The following FBN2 variants were observed in gnomAD, a reference collection of about 807,000 sequenced individuals.
The protein encoded by FBN2 is fibrillin 2.
A neutral mutation model predicts 355.6 loss-of-function variants in FBN2; 105 were observed. The observed-to-expected ratio is 0.30, with a 90% CI of 0.25 to 0.35. The LOEUF is 0.35. Ranked by LOEUF, FBN2 falls within the 10% of genes least tolerant of loss-of-function variation. FBN2 has a pLI of 1.00. For synonymous variants in FBN2, 1,350 were observed against 1,301.2 expected (o/e 1.04, Z -0.81); for missense variants, 3,280 against 3,758.7 (o/e 0.87, Z 3.33).
In FBN2 at chr5:128,537,776, C is replaced by T. The variant is rs1044506328; in HGVS notation, c.-173G>A. The T allele has an allele frequency of 3.5e-5, 23 of 666,018 alleles. No homozygotes were observed. The East Asian group carries it at 4.1e-4, about 12-fold the overall frequency. 41.3% of individuals were successfully genotyped at this position (666,018 alleles called of 1,614,324 possible). On this transcript the variant is annotated 5_prime_UTR_variant, in exon 1 of 65. Transcript: ENST00000262464. ...GAGACCTCGACAGAGCGCCGGCCCCCTGACTGCCCGCGAAGCGAGACGCGG... is the reference window on the plus strand; with the variant it reads ...GAGACCTCGACAGAGCGCCGGCCCCTTGACTGCCCGCGAAGCGAGACGCGG...
chr5:128,381,863 A>C (rs1752242813), intron 11 of FBN2, among the ~76,000 whole-genome samples: 1 of 152,068 alleles, frequency 6.6e-6, no homozygotes, highest in Non-Finnish European at 1.5e-5. Flanking sequence ...GTACAGACAA[A>C]ATTTGAGCTA....
intron 11 of FBN2, among the ~76,000 whole-genome samples, chr5:128,386,960 T>C (rs1487158162): frequency 6.6e-6 from 1 of 152,204 alleles, no homozygotes; most frequent in Non-Finnish European, 1.5e-5. Flanking sequence ...CTTCATAGAA[T>C]GAGTTAGGAA....
intron 26 of FBN2, 58 bp downstream of exon 26, chr5:128,338,875 C>G: frequency 6.3e-7 from 1 of 1,590,610 alleles, no homozygotes; most frequent in Non-Finnish European, 8.6e-7. Flanking sequence ...GTCATGCGCA[C>G]GAATGAGTCT....
At chr5:128,536,516 T>C (rs747172490) in intron 1 of FBN2, 32 bp from the exon 2 acceptor site, 8 of 1,529,750 alleles carry the variant, frequency 5.2e-6, no homozygotes, top group East Asian at 2.3e-5. Context: ...ACGTAACAGA[T>C]AGGTAGAGGG....
At chr5:128,479,197 A>G (rs1162861818) in intron 5 of FBN2, among the ~76,000 whole-genome samples, 1 of 152,180 alleles carries the variant, frequency 6.6e-6, no homozygotes, top group Non-Finnish European at 1.5e-5. Context: ...TATTGAAACT[A>G]TTTGTACGCA....
At chr5:128,439,903 T>G (rs1371480007) in intron 7 of FBN2, among the ~76,000 whole-genome samples, 1 of 152,198 alleles carries the variant, frequency 6.6e-6, no homozygotes, top group Non-Finnish European at 1.5e-5. Context: ...AGATAATATT[T>G]GTATCTTTGA....
Position 128,537,553 on chromosome 5 carries a change from G to A in FBN2, c.51C>T (p.Gly17=), listed in dbSNP as rs1396992989. 1 of 1,600,646 alleles carries A rather than the reference G, an allele frequency of 6.2e-7. No individual in the cohort carries two copies. Among genetic ancestry groups the A allele is most frequent in the Admixed American group, 1.7e-5 (1 of 59,090 alleles). ...TGCCCTGCGCCCAGAGCACCACACA[G>A]CCCAGCCACAGGAAGTAGAGCTGGA... is the stretch of plus-strand genomic sequence containing the variant. ...LCLQLYFLWL[G]CVVLWAQGTA... The change falls in exon 1 of 65, where the codon GGC becomes GGT. Residue 17 remains glycine (G), a synonymous_variant. Coordinates refer to ENST00000262464, the MANE Select transcript of FBN2 (RefSeq NM_001999.4).
rs182835235 is a variant in FBN2 at position 128,444,484 on chromosome 5, C to A, written c.952+1997G>T. ...ATACACAAGTAAGGCCTTCATAAAA[C>A]CTTTATATTTCAAATTCTAATCACT... On this transcript the variant is annotated intron_variant, in intron 7 of 64. Transcript: ENST00000262464. Among the ~76,000 whole-genome samples the A allele has an allele frequency of 5.7e-3, 872 of 152,148 alleles. 3 individuals are homozygous for A. The highest frequency in any genetic ancestry group is 8.8e-3 in the Non-Finnish European group (601 of 67,996).
In FBN2 at chr5:128,263,827, C is replaced by A. The variant is rs1765046401; in HGVS notation, c.7961-171G>T. Among the ~76,000 whole-genome samples, 2 of 152,140 alleles carry A rather than the reference C, an allele frequency of 1.3e-5. 1 individual carries two copies. The highest frequency in any genetic ancestry group is 4.8e-5 in the African/African-American group (2 of 41,424). ...AAGCACGTGAATGAAAAAAATTCCC[C>A]TAAATTGTGGCTTTAAAAAACCCTT... On this transcript the variant is annotated intron_variant, in intron 62 of 64. Transcript: ENST00000262464.
intron 20 of FBN2, among the ~76,000 whole-genome samples, chr5:128,353,439 G>C (rs987272860): frequency 6.6e-6 from 1 of 152,138 alleles, no homozygotes; most frequent in African/African-American, 2.4e-5. Flanking sequence ...ACTCTGGCTG[G>C]AATGTTCAGT....
At chr5:128,295,126 G>C (rs1191095491) in intron 48 of FBN2, among the ~76,000 whole-genome samples, 1 of 147,860 alleles carries the variant, frequency 6.8e-6, no homozygotes, top group African/African-American at 2.5e-5. Context: ...TCTCAGGTTT[G>C]TCAAAGATCA....
rs770483769 is a variant in FBN2, at chr5:128,530,669, T to C, written c.362A>G (p.Asp121Gly). 8.7e-6 allele frequency: 14 copies of C among 1,612,068 alleles called. No individual in the cohort carries two copies. In the Middle Eastern group the frequency reaches 2.3e-3, roughly 266 times the overall value. ...IVPICRNSCG[D>G]GFCSRPNMCT... ...CATGTTAGGACGGGAACAAAATCCATCTCCACAACTATTTCTACAAATCGC... is the reference window on the plus strand; with the variant it reads ...CATGTTAGGACGGGAACAAAATCCACCTCCACAACTATTTCTACAAATCGC... Residue 121 changes from aspartate to glycine, a missense_variant, in exon 3 of 65, where the codon GAT (aspartate) becomes GGT (glycine). Transcript: ENST00000262464.
intron 62 of FBN2, among the ~76,000 whole-genome samples, chr5:128,269,834 C>T (rs1765221414): frequency 6.6e-6 from 1 of 151,770 alleles, no homozygotes; most frequent in African/African-American, 2.4e-5. Flanking sequence ...ATGCTATTCC[C>T]ATCAAACTAC....
At chr5:128,450,586 A>T (rs977693455) in intron 6 of FBN2, among the ~76,000 whole-genome samples, 5 of 152,134 alleles carry the variant, frequency 3.3e-5, no homozygotes, top group Admixed American at 2.0e-4. Flanking sequence ...TAGTACAAAA[A>T]GAGAAGCTTC....
intron 15 of FBN2, among the ~76,000 whole-genome samples, chr5:128,370,575 A>G (rs528627077): frequency 5.1e-4 from 78 of 152,316 alleles, no homozygotes; most frequent in Non-Finnish European, 1.0e-3. Flanking sequence ...TGAGTTACAC[A>G]AACACAGATT....
chr5:128,391,965 T>C, intron 11 of FBN2, 53 bp downstream of exon 11: 1 of 1,510,288 alleles, frequency 6.6e-7, no homozygotes. Context: ...GATCCTGTAA[T>C]CTAATAGCTA....
At chr5:128,366,562 C>T (rs1214770067) in intron 16 of FBN2, 132 bp from the exon 17 acceptor site, 1 of 532,050 alleles carries the variant, frequency 1.9e-6, no homozygotes, top group East Asian at 3.2e-5. Context: ...AAAAAAATTA[C>T]CATTTTCTAG....
Position 128,332,934 on chromosome 5 carries a change from A to G in FBN2, c.4200T>C (p.Ile1400=), listed in dbSNP as rs1750732547. The G allele has an allele frequency of 1.2e-6, 2 of 1,614,034 alleles. No individual in the cohort carries two copies. The highest frequency in any genetic ancestry group is 4.5e-5 in the East Asian group (2 of 44,876). Reference sequence around the variant, plus strand: ...CACCAATACACTTGATGCCGTTTCCAATCCAGCCTTCTCTGCAGCTACACT... The same window carrying G: ...CACCAATACACTTGATGCCGTTTCCGATCCAGCCTTCTCTGCAGCTACACT... ...SFKCSCREGW[I]GNGIKCIDLD... Residue 1400 remains isoleucine (I), a synonymous_variant, in exon 32 of 65, where the codon ATT becomes ATC. Transcript: ENST00000262464.
rs748766768 is a variant in FBN2 at position 128,351,009 on chromosome 5, A to C, written c.2675-4T>G. On this transcript the variant is annotated splice_region_variant and splice_polypyrimidine_tract_variant and intron_variant, in intron 20 of 64. Transcript: ENST00000262464. ...CAACAGGTCCCCTTCAGGCTGTCTG[A>C]AAAGGAACAGGAAAGGTTGGGGAGC... 3.7e-6 allele frequency: 6 copies of C among 1,614,142 alleles called. No homozygotes were observed. Among genetic ancestry groups the C allele is most frequent in the Non-Finnish European group, 5.1e-6 (6 of 1,179,978 alleles).
Sources: allele counts gnomAD v4.1 joint callset (sites outside exome capture counted in the v4.1 genomes callset), GRCh38; gene constraint gnomAD v4.1.1; transcripts MANE v1.5; gene names NCBI Gene and HGNC (gene_info 2026-07-23, HGNC 2026-07-21).